AFAP1L1: variants seen among roughly 807,000 people sequenced by gnomAD.
The protein encoded by AFAP1L1 is actin filament associated protein 1 like 1.
In AFAP1L1, 77 loss-of-function variants were observed where a neutral mutation model predicts 99.8. That is an observed-to-expected ratio of 0.77 (90% CI 0.64 to 0.93). AFAP1L1 has a LOEUF of 0.93. Among genes scored for constraint, AFAP1L1 ranks in the 40% least tolerant of loss-of-function variants. The probability of loss-of-function intolerance (pLI) is 0.00; values close to 1 mark genes in which losing one functional copy is unlikely to be tolerated. For synonymous variants in AFAP1L1, 373 were observed against 395.3 expected (o/e 0.94, Z 0.67); for missense variants, 893 against 996.8 (o/e 0.90, Z 1.40).
At chr5:149,303,839 A>T (rs1756310454) in intron 5 of AFAP1L1, among the ~76,000 whole-genome samples, 2 of 152,190 alleles carry the variant, frequency 1.3e-5, no homozygotes, top group Admixed American at 6.5e-5. Flanking sequence ...TGTGCTTTTT[A>T]CCATGGGTGA....
At chr5:149,277,999 C>T (rs146822794) in intron 1 of AFAP1L1, among the ~76,000 whole-genome samples, 99 of 152,280 alleles carry the variant, frequency 6.5e-4, no homozygotes, top group African/African-American at 2.3e-3. Context: ...CCTCAAATAT[C>T]AGTTTCAAAC....
At position 149,321,990 on chromosome 5, in the gene AFAP1L1, C is replaced by T. The variant is rs141155315; in HGVS notation, c.1699-616C>T. On this transcript the variant is annotated intron_variant, in intron 14 of 18. Transcript: ENST00000296721. ...AGGCTGCAGTCAGCCATCATCACAC[C>T]GCTGCACTCAAAAAAAGAAATTAGG... is the stretch of plus-strand genomic sequence containing the variant. Among the ~76,000 whole-genome samples, 114 of 152,252 alleles carry T rather than the reference C, an allele frequency of 7.5e-4. No homozygotes were observed. In the East Asian group the frequency reaches 0.017, roughly 23 times the overall value.
At chr5:149,292,157 G>C (rs1210893560) in intron 1 of AFAP1L1, among the ~76,000 whole-genome samples, 3 of 152,266 alleles carry the variant, frequency 2.0e-5, no homozygotes, top group African/African-American at 7.2e-5. Context: ...CAAGTGCCCA[G>C]CACTGGGCCT....
chr5:149,315,798 G>A, intron 9 of AFAP1L1, 23 bp from the exon 10 acceptor site: 1 of 1,610,736 alleles, frequency 6.2e-7, no homozygotes, highest in Non-Finnish European at 8.5e-7. Flanking sequence ...CTCTGATGAG[G>A]GACTGCCTGT....
At chr5:149,318,515 A>G (rs2127599406) in intron 12 of AFAP1L1, among the ~76,000 whole-genome samples, 1 of 152,324 alleles carries the variant, frequency 6.6e-6, no homozygotes, top group Middle Eastern at 3.4e-3. Flanking sequence ...GAAGGCAATA[A>G]TTAGGCCTAT....
At chr5:149,275,214 G>T (rs1350611311) in intron 1 of AFAP1L1, among the ~76,000 whole-genome samples, 1 of 152,208 alleles carries the variant, frequency 6.6e-6, no homozygotes, top group African/African-American at 2.4e-5. Context: ...GGGAAAGCAG[G>T]CTCAGCCAGG....
Position 149,341,359 on chromosome 5 carries a change from G to C in AFAP1L1, c.*1329G>C, listed in dbSNP as rs1178823125. On this transcript the variant is annotated 3_prime_UTR_variant, in exon 19 of 19. Transcript: ENST00000296721. ...ATCACCCACTGATTAGTGGCAGAGC[G>C]TAGGACTTAGGGGTTATAAGCCCAG... The C allele has an allele frequency of 6.6e-6, 1 of 152,158 alleles. No homozygotes were observed. The highest frequency in any genetic ancestry group is 2.4e-5 in the African/African-American group (1 of 41,436). 9.4% of individuals were successfully genotyped at this position (152,158 alleles called of 1,614,324 possible).
chr5:149,330,897 T>C (rs1380200735), intron 16 of AFAP1L1, among the ~76,000 whole-genome samples: 1 of 152,184 alleles, frequency 6.6e-6, no homozygotes, highest in Non-Finnish European at 1.5e-5. Context: ...CCAAGGACAA[T>C]GCCTGATACA....
chr5:149,280,912 T>G (rs539199266), intron 1 of AFAP1L1, among the ~76,000 whole-genome samples: 19 of 152,226 alleles, frequency 1.2e-4, no homozygotes, highest in Admixed American at 4.6e-4. Flanking sequence ...TGGAAATGGA[T>G]CTGGACATGG....
intron 8 of AFAP1L1, among the ~76,000 whole-genome samples, chr5:149,310,724 T>C (rs1237322639): frequency 6.6e-6 from 1 of 152,174 alleles, no homozygotes; most frequent in Non-Finnish European, 1.5e-5. Context: ...TTTGAGAACT[T>C]ATGTGACTTG....
chr5:149,335,674 C>T lies in AFAP1L1; in HGVS notation c.2235C>T (p.Ser745=), dbSNP rs892973403. ...GTGTTTCTGAGCTGAGGAAGAGGAG[C>T]CCATCCATCGTAGCCTCCAACCAAG... ...VNCVSELRKR[S]PSIVASNQGR... Residue 745 remains serine (S), a synonymous_variant, in exon 18 of 19, where the codon AGC becomes AGT. Transcript: ENST00000296721. 2.5e-6 allele frequency: 4 copies of T among 1,613,776 alleles called. No homozygotes were observed.
At chr5:149,321,745 A>AAAC (rs1486048472) in intron 14 of AFAP1L1, among the ~76,000 whole-genome samples, 3 of 149,932 alleles carry the variant, frequency 2.0e-5, no homozygotes, top group African/African-American at 2.5e-5. Context: ...AAAAAAAAAA[A>AAAC]AACAACGTTT....
intron 15 of AFAP1L1, among the ~76,000 whole-genome samples, chr5:149,327,588 G>A (rs2127602420): frequency 6.6e-6 from 1 of 152,024 alleles, no homozygotes; most frequent in Non-Finnish European, 1.5e-5. Flanking sequence ...TAGAAAGATA[G>A]AAATTATAAA....
intron 18 of AFAP1L1, among the ~76,000 whole-genome samples, chr5:149,339,275 C>T (rs891798337): frequency 1.3e-5 from 2 of 151,498 alleles, no homozygotes; most frequent in Non-Finnish European, 2.9e-5. Flanking sequence ...CTGCAACCTC[C>T]ACCTCCCAGG....
chr5:149,317,961 G>A (rs748177767), intron 12 of AFAP1L1, 21 bp downstream of exon 12: 16 of 1,554,278 alleles, frequency 1.0e-5, no homozygotes, highest in African/African-American at 1.4e-5. Context: ...AGGGTGGGAC[G>A]TGGGTGGCTC....
At chr5:149,303,795 A>AT (rs1283464711) in intron 5 of AFAP1L1, among the ~76,000 whole-genome samples, 1 of 152,124 alleles carries the variant, frequency 6.6e-6, no homozygotes, top group Non-Finnish European at 1.5e-5. Context: ...AAGGGAACGT[A>AT]TTTTTTTCAT....
chr5:149,312,096 T>C lies in AFAP1L1; in HGVS notation c.928-16T>C, dbSNP rs373449769. The C allele has an allele frequency of 1.9e-6, 3 of 1,611,442 alleles. No homozygotes were observed. Among genetic ancestry groups the C allele is most frequent in the Non-Finnish European group, 2.5e-6 (3 of 1,178,906 alleles). On this transcript the variant is annotated splice_polypyrimidine_tract_variant and intron_variant, in intron 8 of 18. Coordinates refer to ENST00000296721, the MANE Select transcript of AFAP1L1 (RefSeq NM_152406.4). ...TTCCCTGCCCACCCGTTCACAGCTGTGTGTCCTCTTCACAGGTCATCCGAG... is the reference window on the plus strand; with the variant it reads ...TTCCCTGCCCACCCGTTCACAGCTGCGTGTCCTCTTCACAGGTCATCCGAG...
chr5:149,315,582 A>G, intron 9 of AFAP1L1: 1 of 489,676 alleles, frequency 2.0e-6, no homozygotes, highest in Non-Finnish European at 3.7e-6. Flanking sequence ...TCAAAGTGTT[A>G]TAATTAATTG....
In AFAP1L1 at chr5:149,299,361, G is replaced by A. The variant is rs1756113637; in HGVS notation, c.17-148G>A. 4.8e-6 allele frequency: 5 copies of A among 1,051,638 alleles called. No homozygotes were observed. In the South Asian group the frequency reaches 4.9e-5, roughly 10 times the overall value. 65.1% of individuals were successfully genotyped at this position (1,051,638 alleles called of 1,614,324 possible). A position where few individuals can be genotyped will look rare whatever the true frequency, so the allele number is the denominator to read the frequency against. On this transcript the variant is annotated intron_variant, in intron 1 of 18. Transcript: ENST00000296721. ...TCACGGGAGCTGCGTGGCAGGTCTGGGACAGCTGAGAGCCCCCAGGTCCGC... is the reference window on the plus strand; with the variant it reads ...TCACGGGAGCTGCGTGGCAGGTCTGAGACAGCTGAGAGCCCCCAGGTCCGC...
Sources: allele counts gnomAD v4.1 joint callset (sites outside exome capture counted in the v4.1 genomes callset), GRCh38; gene constraint gnomAD v4.1.1; transcripts MANE v1.5; gene names NCBI Gene and HGNC (gene_info 2026-07-23, HGNC 2026-07-21).